The following TFAP2D variants were observed in gnomAD, a reference collection of about 807,000 sequenced individuals.
TFAP2D encodes the protein transcription factor AP-2-delta.
A neutral mutation model predicts 43.6 loss-of-function variants in TFAP2D; 9 were observed. The ratio of observed to expected loss-of-function variants is 0.21; its 90% CI spans 0.12 to 0.36. TFAP2D has a LOEUF of 0.36. TFAP2D is among the 10% of genes least tolerant of loss of function. The pLI is 1.00. For missense variants in TFAP2D, 513 were observed against 561.4 expected (o/e 0.91, Z 0.87); for synonymous variants, 256 against 224.9 (o/e 1.14, Z -1.24).
intron 7 of TFAP2D, among the ~76,000 whole-genome samples, chr6:50,771,329 T>C (rs931043165): frequency 5.3e-5 from 8 of 152,190 alleles, no homozygotes; most frequent in African/African-American, 1.9e-4. Flanking sequence ...CAAGTGGGAA[T>C]TGCATGTATC....
intron 7 of TFAP2D, among the ~76,000 whole-genome samples, chr6:50,760,509 G>A (rs1379026049): frequency 1.3e-5 from 2 of 152,014 alleles, no homozygotes; most frequent in African/African-American, 4.8e-5. Flanking sequence ...CAGAACATTT[G>A]AGAGTGTTGT....
intron 2 of TFAP2D, among the ~76,000 whole-genome samples, chr6:50,718,886 G>A (rs958165802): frequency 6.6e-6 from 1 of 152,168 alleles, no homozygotes; most frequent in African/African-American, 2.4e-5. Context: ...CATACCTTAA[G>A]ATTTATACAA....
At chr6:50,746,606 T>C (rs1294858229) in intron 6 of TFAP2D, among the ~76,000 whole-genome samples, 1 of 152,148 alleles carries the variant, frequency 6.6e-6, no homozygotes, top group Non-Finnish European at 1.5e-5. Flanking sequence ...TAGAAACTGA[T>C]AACAAGTAAT....
At chr6:50,766,747 C>A (rs1469922584) in intron 7 of TFAP2D, among the ~76,000 whole-genome samples, 2 of 142,432 alleles carry the variant, frequency 1.4e-5, no homozygotes, top group African/African-American at 2.6e-5. Flanking sequence ...CGGCTCACTG[C>A]AAGCTCCGCT....
At chr6:50,750,293 C>G (rs1179647766) in intron 6 of TFAP2D, among the ~76,000 whole-genome samples, 2 of 151,754 alleles carry the variant, frequency 1.3e-5, no homozygotes, top group Non-Finnish European at 2.9e-5. Context: ...TTGCGACTGC[C>G]CATTGTAAAA....
At position 50,720,737 on chromosome 6, in the gene TFAP2D, T is replaced by C. The variant is rs58744662; in HGVS notation, c.598+1587T>C. On this transcript the variant is annotated intron_variant, in intron 3 of 7. Coordinates refer to ENST00000008391, the MANE Select transcript of TFAP2D (RefSeq NM_172238.4). The stretch of plus-strand genomic sequence containing the variant: ...TGAGATGTGCTGATCAGGGGTCTGT[T>C]GGGACGGGTAAAAATAAGGTGAGGC... Among the ~76,000 whole-genome samples the C allele has an allele frequency of 7.6e-3, 1,161 of 152,188 alleles. 18 individuals are homozygous for C. Among genetic ancestry groups the C allele is most frequent in the African/African-American group, 0.027 (1,117 of 41,504 alleles).
At chr6:50,732,462 T>C (rs1490615308) in intron 5 of TFAP2D, among the ~76,000 whole-genome samples, 1 of 152,106 alleles carries the variant, frequency 6.6e-6, no homozygotes, top group Non-Finnish European at 1.5e-5. Flanking sequence ...CCCCACATTT[T>C]GGCATAATAT....
Position 50,728,869 on chromosome 6 carries a change from G to T in TFAP2D, c.612G>T (p.Val204=). ...GGVIRRGGTC[V]VNPTDLFCSV... ...TTTTCTCCCAAGGTGGCACCTGTGTGGTCAACCCCACAGACTTATTTTGCT... is the reference window on the plus strand; with the variant it reads ...TTTTCTCCCAAGGTGGCACCTGTGTTGTCAACCCCACAGACTTATTTTGCT... Residue 204 remains valine (V), a synonymous_variant, in exon 4 of 8, where the codon GTG becomes GTT. Transcript: ENST00000008391. 6.2e-7 allele frequency: 1 copy of T among 1,613,860 alleles called. No homozygotes were observed. Among genetic ancestry groups the T allele is most frequent in the Non-Finnish European group, 8.5e-7 (1 of 1,179,866 alleles).
At chr6:50,732,169 T>C (rs1431904586) in intron 5 of TFAP2D, among the ~76,000 whole-genome samples, 1 of 152,102 alleles carries the variant, frequency 6.6e-6, no homozygotes, top group East Asian at 1.9e-4. Flanking sequence ...TTTTAGTATC[T>C]AAAACAGGCC....
rs1249506377 is a variant in TFAP2D at position 50,726,355 on chromosome 6, T to A, written c.599-2501T>A. Among the ~76,000 whole-genome samples the A allele has an allele frequency of 2.0e-5, 3 of 152,228 alleles. No individual in the cohort carries two copies. In the East Asian group the frequency reaches 5.8e-4, roughly 29 times the overall value. On this transcript the variant is annotated intron_variant, in intron 3 of 7. Transcript: ENST00000008391. ...TCTAAAATTGTGGTATTCCCTACCC[T>A]TAGCATCCAGGAAAATAATTCATAC...
intron 5 of TFAP2D, among the ~76,000 whole-genome samples, chr6:50,739,228 C>G (rs542299740): frequency 1.4e-4 from 22 of 152,254 alleles, no homozygotes; most frequent in African/African-American, 5.3e-4. Flanking sequence ...CCCCTACCCC[C>G]ACCCCACGAC....
chr6:50,740,387 AT>A (rs1405748739), intron 5 of TFAP2D, among the ~76,000 whole-genome samples: 1 of 152,090 alleles, frequency 6.6e-6, no homozygotes, highest in African/African-American at 2.4e-5. Context: ...GTGTAAAGTA[AT>A]TTTTTTAAAA....
chr6:50,747,358 A>G (rs1769138973), intron 6 of TFAP2D, among the ~76,000 whole-genome samples: 1 of 152,164 alleles, frequency 6.6e-6, no homozygotes, highest in Admixed American at 6.6e-5. Flanking sequence ...AGGTGTTTCC[A>G]TAGCATATCA....
rs199614128 is a variant in TFAP2D, at chr6:50,745,138, C to T, written c.915C>T (p.Gly305=). Residue 305 remains glycine (G), a synonymous_variant, in exon 6 of 8, where the codon GGC becomes GGT. Coordinates refer to ENST00000008391, the MANE Select transcript of TFAP2D (RefSeq NM_172238.4). ...CTTTGCACTTGGCTCGGGATTTTGG[C>T]TACACTTGTGAAACAGAGTTTCCAG... is the stretch of plus-strand genomic sequence containing the variant. The part of the protein sequence containing the change: ...GEALHLARDF[G]YTCETEFPAK... 4 of 1,613,618 alleles carry T rather than the reference C, an allele frequency of 2.5e-6. No individual in the cohort carries two copies. The highest frequency in any genetic ancestry group is 3.4e-6 in the Non-Finnish European group (4 of 1,179,800).
chr6:50,727,288 G>A (rs1581761719), intron 3 of TFAP2D, among the ~76,000 whole-genome samples: 1 of 152,284 alleles, frequency 6.6e-6, no homozygotes, highest in South Asian at 2.1e-4. Context: ...GTGGGGCAAG[G>A]TTAACTTTTT....
chr6:50,713,667 G>A lies in TFAP2D; in HGVS notation c.-389G>A, dbSNP rs1041918460. ...TGAAAGAACCTCCAGTTCCTTATTA[G>A]GCGAAGATACAATATTTATTCCTTG... On this transcript the variant is annotated 5_prime_UTR_variant, in exon 1 of 8. The change abolishes the stop of an existing upstream ORF in the 5' untranslated region. Coordinates refer to ENST00000008391, the MANE Select transcript of TFAP2D (RefSeq NM_172238.4). Among the ~76,000 whole-genome samples, 1 of 152,128 alleles carries A rather than the reference G, an allele frequency of 6.6e-6. No individual in the cohort carries two copies. Among genetic ancestry groups the A allele is most frequent in the Non-Finnish European group, 1.5e-5 (1 of 68,020 alleles).
chr6:50,727,301 G>C (rs1275100619), intron 3 of TFAP2D, among the ~76,000 whole-genome samples: 2 of 152,182 alleles, frequency 1.3e-5, no homozygotes, highest in Non-Finnish European at 2.9e-5. Context: ...AACTTTTTCT[G>C]TCTCCTCAGG....
At chr6:50,723,186 TA>T (rs568032260) in intron 3 of TFAP2D, among the ~76,000 whole-genome samples, 22 of 151,148 alleles carry the variant, frequency 1.5e-4, no homozygotes, top group African/African-American at 4.1e-4. Flanking sequence ...TTAATTTCTT[TA>T]AAAAAAAAAT....
intron 6 of TFAP2D, among the ~76,000 whole-genome samples, chr6:50,750,935 T>G (rs1328623789): frequency 6.6e-6 from 1 of 152,006 alleles, no homozygotes. Context: ...TGAGGTTAAT[T>G]TATGAATAGT....
Sources: allele counts gnomAD v4.1 joint callset (sites outside exome capture counted in the v4.1 genomes callset), GRCh38; gene constraint gnomAD v4.1.1; transcripts MANE v1.5; gene names NCBI Gene and HGNC (gene_info 2026-07-23, HGNC 2026-07-21).